The following MACF1 variants were observed in gnomAD, a reference collection of about 807,000 sequenced individuals.
The protein encoded by MACF1 is microtubule-actin cross-linking factor 1.
A neutral mutation model predicts 854.8 loss-of-function variants in MACF1; 193 were observed. The ratio of observed to expected loss-of-function variants is 0.23; its 90% CI spans 0.20 to 0.25. The LOEUF is 0.25. MACF1 is among the 10% of genes least tolerant of loss of function. MACF1 has a pLI of 1.00. For synonymous variants in MACF1, 3,185 were observed against 3,226.7 expected (o/e 0.99, Z 0.44); for missense variants, 7,722 against 8,929.1 (o/e 0.86, Z 5.45).
At chr1:39,195,883 G>C (rs141138226) in intron 2 of MACF1, among the ~76,000 whole-genome samples, 37 of 152,268 alleles carry the variant, frequency 2.4e-4, no homozygotes, top group Non-Finnish European at 3.8e-4. Context: ...GTAAGTTGGA[G>C]ACTGAGATTA....
chr1:39,144,967 TA>T (rs1357314410), intron 2 of MACF1, among the ~76,000 whole-genome samples: 1 of 152,206 alleles, frequency 6.6e-6, no homozygotes, highest in African/African-American at 2.4e-5. Context: ...TCAGCCCCTT[TA>T]TGGTGTCAGT....
rs1330652752 is a variant in MACF1, at chr1:39,360,795, T to A, written c.12247T>A (p.Ser4083Thr). 1 of 1,601,506 alleles carries A rather than the reference T, an allele frequency of 6.2e-7. No homozygotes were observed. The highest frequency in any genetic ancestry group is 8.5e-7 in the Non-Finnish European group (1 of 1,173,258). ...DHRHVQETTDSILSHFQSLSY... is the reference protein window; with the variant it reads ...DHRHVQETTDTILSHFQSLSY... ...CTTTTCATGGCCTGATTTTTCAGAT[T>A]CCATACTCAGCCACTTCCAAAGCCT... Residue 4083 changes from serine to threonine, a missense_variant and splice_region_variant, in exon 48 of 101, where the codon TCC becomes ACC. Transcript: ENST00000564288.
chr1:39,234,130 C>G (rs1474190214), intron 2 of MACF1, among the ~76,000 whole-genome samples: 1 of 149,648 alleles, frequency 6.7e-6, no homozygotes, highest in African/African-American at 2.5e-5. Context: ...CAACAGGATC[C>G]CAAGGCAGAA....
chr1:39,271,688 A>G (rs2148360535), intron 6 of MACF1, among the ~76,000 whole-genome samples: 1 of 152,332 alleles, frequency 6.6e-6, no homozygotes, highest in Middle Eastern at 3.4e-3. Context: ...TAAAATTGAA[A>G]TTGTGTAGTC....
At chr1:39,273,760 T>G (rs1478435177) in intron 6 of MACF1, among the ~76,000 whole-genome samples, 1 of 152,100 alleles carries the variant, frequency 6.6e-6, no homozygotes, top group Non-Finnish European at 1.5e-5. Context: ...CCGGCTAATT[T>G]TTTGTATTTT....
At chr1:39,116,799 C>A (rs1303649671) in intron 2 of MACF1, among the ~76,000 whole-genome samples, 1 of 152,166 alleles carries the variant, frequency 6.6e-6, no homozygotes, top group Non-Finnish European at 1.5e-5. Context: ...AGAGGCTTTC[C>A]TCACTTGTGG....
intron 95 of MACF1, chr1:39,467,649 G>C (rs1488771994): frequency 6.6e-6 from 1 of 152,150 alleles, no homozygotes; most frequent in Non-Finnish European, 1.5e-5. Context: ...ATGATTATTG[G>C]ATACTGTTCA....
chr1:39,410,499 A>G (rs779648049), intron 58 of MACF1: 26 of 1,613,918 alleles, frequency 1.6e-5, no homozygotes, highest in Non-Finnish European at 1.9e-5. Context: ...CATTAGGAGC[A>G]GCATCTAATG....
At chr1:39,393,215 A>ATG (rs1642125331) in intron 58 of MACF1, among the ~76,000 whole-genome samples, 1 of 140,092 alleles carries the variant, frequency 7.1e-6, no homozygotes, top group Admixed American at 7.1e-5. Context: ...ATATATATAT[A>ATG]TATATATATG....
chr1:39,477,082 T>TAC (rs1557675061), intron 97 of MACF1, among the ~76,000 whole-genome samples: 4 of 12,594 alleles, frequency 3.2e-4, no homozygotes, highest in Admixed American at 1.0e-3. Context: ...TATATATATA[T>TAC]ATATATATAC....
rs1329405588 is a variant in MACF1 at position 39,084,408 on chromosome 1, C to A, written c.190C>A (p.Pro64Thr). The stretch of plus-strand genomic sequence containing the variant: ...GAAAAGCCAGGATTCGGTGCTGGAC[C>A]CTGCAGAGCGTGCTGTGGTCAGAGT... The change falls in exon 2 of 94, where the codon CCT becomes ACT. Residue 64 changes from proline (P) to threonine (T), a missense_variant. Coordinates refer to the MACF1 transcript ENST00000361689. This position sits in a 1 kb window ranked among gnomAD's most constrained non-coding sequence, Gnocchi z 5.2. The A allele has an allele frequency of 6.2e-7, 1 of 1,611,608 alleles. No individual in the cohort carries two copies. The highest frequency in any genetic ancestry group is 8.5e-7 in the Non-Finnish European group (1 of 1,179,984).
chr1:39,437,641 T>G, intron 70 of MACF1, 136 bp from the exon 71 acceptor site: 1 of 781,308 alleles, frequency 1.3e-6, no homozygotes, highest in Non-Finnish European at 2.2e-6. Context: ...AACTCAACAC[T>G]TAATAGCCAT....
intron 23 of MACF1, among the ~76,000 whole-genome samples, chr1:39,306,399 A>T (rs1304495024): frequency 6.6e-6 from 1 of 152,094 alleles, no homozygotes; most frequent in Non-Finnish European, 1.5e-5. Context: ...AAGTGTTGGG[A>T]TTACAGGCGT....
intron 87 of MACF1, among the ~76,000 whole-genome samples, chr1:39,453,228 G>A (rs1233987901): frequency 2.6e-5 from 4 of 152,118 alleles, no homozygotes; most frequent in Non-Finnish European, 5.9e-5. Flanking sequence ...TCCTAATGAG[G>A]TGGGAAATGT....
chr1:39,244,251 C>T (rs2784634), intron 2 of MACF1, among the ~76,000 whole-genome samples: 8,304 of 151,458 alleles, frequency 0.055, 291 homozygotes, highest in African/African-American at 0.095. Flanking sequence ...ATGTAAGGCG[C>T]GCCCCACCAC....
chr1:39,352,738 C>A (rs1189810032), intron 43 of MACF1, among the ~76,000 whole-genome samples: 1 of 149,740 alleles, frequency 6.7e-6, no homozygotes, highest in African/African-American at 2.4e-5. Context: ...AGGCTTGTCT[C>A]AAACTCCTGA....
intron 2 of MACF1, among the ~76,000 whole-genome samples, chr1:39,167,931 G>A (rs1279319345): frequency 3.3e-5 from 5 of 151,740 alleles, no homozygotes; most frequent in African/African-American, 1.2e-4. Flanking sequence ...TATGTTGAAT[G>A]TTAGCTGGAA....
At chr1:39,360,036 T>A (rs1180026534) in intron 47 of MACF1, among the ~76,000 whole-genome samples, 15 of 85,984 alleles carry the variant, frequency 1.7e-4, no homozygotes, top group South Asian at 3.9e-4. Flanking sequence ...TATATATATA[T>A]ATATATATAT....
At chr1:39,308,982 T>C (rs1364836341) in intron 23 of MACF1, among the ~76,000 whole-genome samples, 1 of 152,224 alleles carries the variant, frequency 6.6e-6, no homozygotes, top group Non-Finnish European at 1.5e-5. Context: ...TTTCTTAAGC[T>C]GCTATTAATT....
Sources: gnomAD v4.1 joint callset for allele counts (sites outside exome capture counted in the v4.1 genomes callset) on GRCh38, gnomAD v4.1.1 for gene constraint, Gnocchi (gnomAD v3.1) non-coding constraint, MANE v1.5 for transcripts, NCBI Gene and HGNC (gene_info 2026-07-23, HGNC 2026-07-21) for gene names.